PLXNA2: variants seen among roughly 807,000 people sequenced by gnomAD.
PLXNA2 encodes plexin A2.
In PLXNA2, 91 loss-of-function variants were observed where a neutral mutation model predicts 193.5. The observed-to-expected ratio is 0.47, with a 90% CI of 0.40 to 0.56. PLXNA2 has a LOEUF of 0.56. PLXNA2 is among the 20% of genes least tolerant of loss of function. The probability of loss-of-function intolerance (pLI) is 0.00; values close to 1 mark genes in which losing one functional copy is unlikely to be tolerated. For synonymous variants in PLXNA2, 997 were observed against 1,027.3 expected, an observed-to-expected ratio of 0.97 and a Z score of 0.56; for missense variants, 1,995 against 2,503.2, an observed-to-expected ratio of 0.80 and a Z score of 4.33.
At chr1:208,061,070 T>C (rs1346226189) in intron 12 of PLXNA2, among the ~76,000 whole-genome samples, 3 of 152,228 alleles carry the variant, frequency 2.0e-5, no homozygotes, top group Non-Finnish European at 2.9e-5. Flanking sequence ...TTCATTCATC[T>C]ACTTATTTAA....
rs187676853 is a variant in PLXNA2, at chr1:208,179,872, C to T, written c.1371+30408G>A. Among the ~76,000 whole-genome samples, 241 of 152,038 alleles carry T rather than the reference C, an allele frequency of 1.6e-3. 2 individuals are homozygous for T. Among genetic ancestry groups the T allele is most frequent in the East Asian group, 2.7e-3 (14 of 5,178 alleles). ...CTTCCTTCTACAGTATCCCCTGCCA[C>T]CCCCCAACCCCTGCCTAAGGCATCT... On this transcript the variant is annotated intron_variant, in intron 3 of 31. Transcript: ENST00000367033.
At chr1:208,126,383 C>A (rs1483491061) in intron 4 of PLXNA2, among the ~76,000 whole-genome samples, 1 of 152,168 alleles carries the variant, frequency 6.6e-6, no homozygotes, top group African/African-American at 2.4e-5. Context: ...CTGGGGGAAT[C>A]AAATAGACTT....
At position 208,217,449 on chromosome 1, in the gene PLXNA2, G is replaced by A. The variant is rs1671171493; in HGVS notation, c.474C>T (p.Tyr158=). Residue 158 remains tyrosine (Y), a synonymous_variant, in exon 2 of 32, where the codon TAC becomes TAT. Transcript: ENST00000367033. This position sits in a 1 kb window ranked among gnomAD's most constrained non-coding sequence, Gnocchi z 4.7. ...LVEPSHKKEH[Y]LSSVNKTGTM... ...TGCCCGTCTTGTTGACACTGGACAG[G>A]TAGTGCTCCTTCTTGTGGGATGGCT... The A allele has an allele frequency of 1.2e-6, 2 of 1,614,076 alleles. No homozygotes were observed. The highest frequency in any genetic ancestry group is 1.3e-5 in the African/African-American group (1 of 74,922).
intron 3 of PLXNA2, among the ~76,000 whole-genome samples, chr1:208,205,314 A>C (rs1366264278): frequency 6.6e-6 from 1 of 152,114 alleles, no homozygotes; most frequent in Non-Finnish European, 1.5e-5. Context: ...CCCACTGCCT[A>C]TTCTTAACCA....
In PLXNA2 at chr1:208,051,289, A is replaced by G; in HGVS notation, c.3128T>C (p.Val1043Ala). ...GCTCCACTCTGGCTCGATGCGCTGG[A>G]CCCGAGGGTCATCTATGTACTCAAA... is the stretch of plus-strand genomic sequence containing the variant. The part of the protein sequence containing the change: ...LQFEYIDDPR[V>A]QRIEPEWSIA... The change falls in exon 16 of 32, where the codon GTC becomes GCC. Residue 1043 changes from valine (V) to alanine (A), a missense_variant. Val to Ala is a moderately conservative substitution (Grantham distance 64). Transcript: ENST00000367033. The G allele has an allele frequency of 6.2e-7, 1 of 1,612,702 alleles. No individual in the cohort carries two copies. Among genetic ancestry groups the G allele is most frequent in the Non-Finnish European group, 8.5e-7 (1 of 1,179,402 alleles).
Position 208,082,192 on chromosome 1 carries a change from C to T in PLXNA2, c.2395+220G>A, listed in dbSNP as rs528030985. Among the ~76,000 whole-genome samples the T allele has an allele frequency of 8.7e-4, 132 of 152,270 alleles. No individual in the cohort carries two copies. Among genetic ancestry groups the T allele is most frequent in the Admixed American group, 6.9e-3 (105 of 15,304 alleles). On this transcript the variant is annotated intron_variant, in intron 11 of 31. Coordinates refer to ENST00000367033, the MANE Select transcript of PLXNA2 (RefSeq NM_025179.4). This position sits in a 1 kb window ranked among gnomAD's most constrained non-coding sequence, Gnocchi z 4.2. ...GAGCCAAAGAATAACGTGGATGGGCCGGCGGCCGCCCAGCGGATGCTCTGG... is the reference window on the plus strand; with the variant it reads ...GAGCCAAAGAATAACGTGGATGGGCTGGCGGCCGCCCAGCGGATGCTCTGG...
At position 208,217,724 on chromosome 1, in the gene PLXNA2, T is replaced by C. The variant is rs147839768; in HGVS notation, c.199A>G (p.Ile67Val). The C allele has an allele frequency of 6.2e-6, 10 of 1,614,068 alleles. No homozygotes were observed. In the African/African-American group the frequency reaches 1.3e-4, roughly 22 times the overall value. ...QGTGAVYVGA[I>V]NRVYKLTGNL... The stretch of plus-strand genomic sequence containing the variant: ...CCTGTCAGCTTATAGACCCGGTTGA[T>C]GGCCCCCACATAGACGGCCCCCGTC... Residue 67 changes from isoleucine (I) to valine (V), a missense_variant, in exon 2 of 32, where the codon ATC (isoleucine) becomes GTC (valine). Physicochemically the swap from Ile to Val is conservative, Grantham distance 29. Around this residue, in one of 3 missense-constraint regions of PLXNA2, gnomAD observed 702 missense variants for 812.9 expected, o/e 0.86. Transcript: ENST00000367033. The surrounding 1 kb of genome is among the most constrained non-coding windows in gnomAD (Gnocchi z 4.7).
At chr1:208,192,918 C>A (rs536442129) in intron 3 of PLXNA2, among the ~76,000 whole-genome samples, 216 of 148,868 alleles carry the variant, frequency 1.5e-3, no homozygotes, top group East Asian at 5.3e-3. Context: ...AAAAAAAAAA[C>A]CATTAGACAA....
chr1:208,045,265 A>T, intron 18 of PLXNA2, 55 bp from the exon 19 acceptor site: 1 of 1,565,882 alleles, frequency 6.4e-7, no homozygotes, highest in Non-Finnish European at 8.8e-7. Context: ...GCACAAGTTA[A>T]TTGCCTACTT....
chr1:208,057,622 T>G (rs1320002571), intron 13 of PLXNA2, among the ~76,000 whole-genome samples: 1 of 152,208 alleles, frequency 6.6e-6, no homozygotes, highest in East Asian at 1.9e-4. Context: ...TTTGATTTCT[T>G]GAGGCCTCTT....
chr1:208,226,856 C>T (rs1254600891), intron 1 of PLXNA2, among the ~76,000 whole-genome samples: 1 of 152,246 alleles, frequency 6.6e-6, no homozygotes, highest in Non-Finnish European at 1.5e-5. Flanking sequence ...CAGGAAGGAG[C>T]CCTGCTTTGC....
intron 3 of PLXNA2, among the ~76,000 whole-genome samples, chr1:208,205,283 T>G (rs1298157840): frequency 1.3e-5 from 2 of 152,236 alleles, no homozygotes; most frequent in African/African-American, 2.4e-5. Context: ...GTGTTTGCAC[T>G]TAATCTCTAT....
chr1:208,053,023 G>A (rs1468864652), intron 14 of PLXNA2, among the ~76,000 whole-genome samples: 2 of 152,310 alleles, frequency 1.3e-5, no homozygotes, highest in Middle Eastern at 3.4e-3. Context: ...GGAGGATGGC[G>A]CATCACTGGC....
At chr1:208,148,130 A>G (rs1668653778) in intron 3 of PLXNA2, among the ~76,000 whole-genome samples, 1 of 152,174 alleles carries the variant, frequency 6.6e-6, no homozygotes, top group Admixed American at 6.5e-5. Context: ...TCCAATCAGC[A>G]TATCCAATTA....
At chr1:208,098,687 C>A (rs562384617) in intron 6 of PLXNA2, among the ~76,000 whole-genome samples, 159 bp downstream of exon 6, 1 of 152,182 alleles carries the variant, frequency 6.6e-6, no homozygotes, top group African/African-American at 2.4e-5. Flanking sequence ...ATGCCCTTTA[C>A]AATAGGCATT....
intron 1 of PLXNA2, among the ~76,000 whole-genome samples, chr1:208,237,857 C>A (rs1276665012): frequency 6.6e-6 from 1 of 152,272 alleles, no homozygotes; most frequent in Middle Eastern, 3.4e-3. Context: ...ACTGTAAATG[C>A]CCTGAAGGTA....
At chr1:208,124,166 A>G (rs1667890225) in intron 4 of PLXNA2, among the ~76,000 whole-genome samples, 1 of 152,152 alleles carries the variant, frequency 6.6e-6, no homozygotes, top group African/African-American at 2.4e-5. Context: ...GAGCTAAATG[A>G]AGGGAACTCA....
intron 3 of PLXNA2, among the ~76,000 whole-genome samples, chr1:208,189,953 T>C (rs1056595434): frequency 6.6e-6 from 1 of 152,148 alleles, no homozygotes; most frequent in African/African-American, 2.4e-5. Flanking sequence ...TCCACCCTCT[T>C]CCCAGCCAAA....
intron 4 of PLXNA2, among the ~76,000 whole-genome samples, chr1:208,124,160 T>C (rs1385919287): frequency 6.6e-6 from 1 of 151,998 alleles, no homozygotes; most frequent in Non-Finnish European, 1.5e-5. Flanking sequence ...AAGTGGGAGC[T>C]AAATGAAGGG....
Sources: allele counts gnomAD v4.1 joint callset (sites outside exome capture counted in the v4.1 genomes callset), GRCh38; gene constraint gnomAD v4.1.1; regional missense constraint gnomAD v4.1.1; non-coding constraint Gnocchi (gnomAD v3.1); transcripts MANE v1.5; gene names NCBI Gene and HGNC (gene_info 2026-07-23, HGNC 2026-07-21).